Variants in TNRC6C observed in about 807,000 individuals in gnomAD.
TNRC6C encodes trinucleotide repeat-containing gene 6C protein.
Under a neutral mutation model 153.7 loss-of-function variants are expected in TNRC6C, and 20 were observed. The ratio of observed to expected loss-of-function variants is 0.13; its 90% CI spans 0.09 to 0.19. The LOEUF (loss-of-function observed/expected upper bound fraction) is 0.19, where lower values mean the gene tolerates loss of function less well. Ranked by LOEUF, TNRC6C falls within the 10% of genes least tolerant of loss-of-function variation. TNRC6C has a pLI of 1.00. For synonymous variants in TNRC6C, 811 were observed against 841.4 expected (o/e 0.96, Z 0.63); for missense variants, 1,987 against 2,172.0 (o/e 0.91, Z 1.69).
chr17:78,050,743 G>C (rs1245378488), exon 3 of TNRC6C: 1 of 1,591,790 alleles, frequency 6.3e-7, no homozygotes. Flanking sequence ...TTGGAGTGGG[G>C]CCGCAAATCA....
chr17:78,048,391 C>T (rs2072451595), intron 2 of TNRC6C, among the ~76,000 whole-genome samples: 1 of 152,100 alleles, frequency 6.6e-6, no homozygotes, highest in South Asian at 2.1e-4. Flanking sequence ...TACTGAAAGC[C>T]ATGTTTCGCC....
chr17:78,057,008 A>G (rs1317460933), intron 3 of TNRC6C, among the ~76,000 whole-genome samples: 2 of 152,176 alleles, frequency 1.3e-5, no homozygotes, highest in Admixed American at 6.5e-5. Flanking sequence ...CAGCCTGTGC[A>G]TGCGTGTGCT....
intron 1 of TNRC6C, among the ~76,000 whole-genome samples, chr17:78,018,093 G>A (rs2071762918): frequency 6.6e-6 from 1 of 152,118 alleles, no homozygotes; most frequent in Non-Finnish European, 1.5e-5. Context: ...CCATATGTGT[G>A]TATATATATG....
exon 3 of TNRC6C, chr17:78,050,695 G>C: frequency 2.5e-6 from 4 of 1,571,750 alleles, no homozygotes; most frequent in Non-Finnish European, 3.5e-6. Context: ...AAGCTCTACT[G>C]CTGTTAGTAC....
chr17:77,965,698 G>C (rs2070891468), intron 1 of TNRC6C, among the ~76,000 whole-genome samples: 1 of 152,184 alleles, frequency 6.6e-6, no homozygotes, highest in South Asian at 2.1e-4. Context: ...AAAAAAGAGA[G>C]AAAGCAATAC....
chr17:78,098,374 C>T, exon 17 of TNRC6C: 1 of 1,613,650 alleles, frequency 6.2e-7, no homozygotes, highest in Non-Finnish European at 8.5e-7. Context: ...CGACGTGGTC[C>T]TCTGGCCCTA....
At chr17:78,057,831 G>A (rs1018957631) in intron 3 of TNRC6C, among the ~76,000 whole-genome samples, 1 of 152,090 alleles carries the variant, frequency 6.6e-6, no homozygotes, top group Non-Finnish European at 1.5e-5. Flanking sequence ...ATTTTTGTGT[G>A]TGTGTGTGTG....
At chr17:78,039,320 C>G (rs1034606226) in intron 2 of TNRC6C, among the ~76,000 whole-genome samples, 2 of 141,924 alleles carry the variant, frequency 1.4e-5, no homozygotes, top group African/African-American at 2.9e-5. Flanking sequence ...CCCCCCCCCC[C>G]CACTCCCTAC....
intron 1 of TNRC6C, among the ~76,000 whole-genome samples, chr17:78,023,208 C>G (rs868666679): frequency 2.0e-5 from 3 of 152,302 alleles, no homozygotes; most frequent in Middle Eastern, 6.8e-3. Context: ...TGTTTTATAA[C>G]AGGGACTTGA....
rs115005793 is a variant in TNRC6C at position 78,093,577 on chromosome 17, C to T, written c.4163-43C>T. The T allele has an allele frequency of 5.7e-4, 919 of 1,607,590 alleles. 2 individuals carry two copies. In the African/African-American group the frequency reaches 0.011, roughly 19 times the overall value. On this transcript the variant is annotated intron_variant, in intron 15 of 19. Coordinates refer to ENST00000301624, the Ensembl canonical transcript of TNRC6C. ...TTTAAAATTTCGTGAATCAATGTGC[C>T]GGTGTTCTGATCTGTGGCTTCTCAT...
At chr17:78,076,699 TA>T (rs1043247687) in intron 8 of TNRC6C, among the ~76,000 whole-genome samples, 27 of 151,684 alleles carry the variant, frequency 1.8e-4, no homozygotes, top group Middle Eastern at 3.4e-3. Flanking sequence ...CAGTAGATGT[TA>T]AAAAAAAATT....
At chr17:78,045,015 A>G (rs942699237) in intron 2 of TNRC6C, among the ~76,000 whole-genome samples, 1 of 152,218 alleles carries the variant, frequency 6.6e-6, no homozygotes, top group Admixed American at 6.5e-5. Context: ...ATGGCACCTC[A>G]AGGAACTGTC....
At chr17:77,958,380 T>C (rs528338009), upstream of TNRC6C, among the ~76,000 whole-genome samples, 1,821 of 150,990 alleles carry the variant, frequency 0.012, 44 homozygotes, top group African/African-American at 0.041. Flanking sequence ...CTCCCAGGAC[T>C]GGCGCGCGTC....
Position 78,073,103 on chromosome 17 carries a change from T to G in TNRC6C, c.2917+9T>G. Reference sequence around the variant, plus strand: ...TCTTGATCAGGCCATGAGTAAGTCATACAACATCCTTTTTAAAAAGGTACC... The same window carrying G: ...TCTTGATCAGGCCATGAGTAAGTCAGACAACATCCTTTTTAAAAAGGTACC... On this transcript the variant is annotated intron_variant, in intron 7 of 19. Transcript: ENST00000301624. 1 of 1,551,078 alleles carries G rather than the reference T, an allele frequency of 6.4e-7. No individual in the cohort carries two copies. The highest frequency in any genetic ancestry group is 8.7e-7 in the Non-Finnish European group (1 of 1,146,360).
intron 1 of TNRC6C, among the ~76,000 whole-genome samples, chr17:78,017,326 C>A (rs1035103292): frequency 6.6e-6 from 1 of 152,168 alleles, no homozygotes; most frequent in Non-Finnish European, 1.5e-5. Flanking sequence ...CTCCTGCTCT[C>A]CTGCTCTGTT....
intron 1 of TNRC6C, among the ~76,000 whole-genome samples, chr17:77,985,430 A>G (rs1276545301): frequency 6.6e-6 from 1 of 151,512 alleles, no homozygotes; most frequent in Non-Finnish European, 1.5e-5. Context: ...CGTCTCTACT[A>G]AAAATACAAA....
chr17:78,099,338 A>C (rs879488841), intron 17 of TNRC6C, among the ~76,000 whole-genome samples: 2 of 152,252 alleles, frequency 1.3e-5, no homozygotes, highest in Non-Finnish European at 2.9e-5. Context: ...ATAGTGTATT[A>C]GTCCATTTTC....
At chr17:78,058,969 C>A (rs903447911) in intron 3 of TNRC6C, among the ~76,000 whole-genome samples, 1 of 152,198 alleles carries the variant, frequency 6.6e-6, no homozygotes, top group Non-Finnish European at 1.5e-5. Flanking sequence ...ATCTCCAATT[C>A]ACTAAACTAA....
chr17:78,057,262 A>G (rs918873198), intron 3 of TNRC6C, among the ~76,000 whole-genome samples: 3 of 152,184 alleles, frequency 2.0e-5, no homozygotes, highest in African/African-American at 7.2e-5. Flanking sequence ...CCTGCCCTGT[A>G]TTACCTGTGA....
Sources: gnomAD v4.1 joint callset for allele counts (sites outside exome capture counted in the v4.1 genomes callset) on GRCh38, gnomAD v4.1.1 for gene constraint, MANE v1.5 for transcripts, NCBI Gene and HGNC (gene_info 2026-07-23, HGNC 2026-07-21) for gene names.